TXLNB: variants seen among roughly 807,000 people sequenced by gnomAD.
TXLNB encodes the protein beta-taxilin.
Under a neutral mutation model 57.4 loss-of-function variants are expected in TXLNB, and 37 were observed. The observed-to-expected ratio is 0.64, with a 90% CI of 0.50 to 0.85. The LOEUF (loss-of-function observed/expected upper bound fraction) is 0.85, where lower values mean the gene tolerates loss of function less well. TXLNB is among the 40% of genes least tolerant of loss of function. The pLI is 0.00. For missense variants in TXLNB, 848 were observed against 825.6 expected (o/e 1.03, Z -0.33); for synonymous variants, 302 against 309.6 (o/e 0.98, Z 0.26).
chr6:139,257,117 GT>G (rs1163591417), intron 6 of TXLNB, among the ~76,000 whole-genome samples: 2 of 152,052 alleles, frequency 1.3e-5, no homozygotes, highest in African/African-American at 2.4e-5. Context: ...AGTTCAGAGG[GT>G]TTTTTGTTTG....
the TXLNB span, among the ~76,000 whole-genome samples, chr6:139,211,153 T>C: frequency 6.6e-6 from 1 of 152,182 alleles, no homozygotes; most frequent in African/African-American, 2.4e-5. Context: ...AGCATGCAGC[T>C]TGAGATCTGA....
chr6:139,322,122 C>CCTGCGACTACAGG, the TXLNB span, among the ~76,000 whole-genome samples: 1 of 152,152 alleles, frequency 6.6e-6, no homozygotes, highest in Non-Finnish European at 1.5e-5. Flanking sequence ...TACAGGTGCA[C>CCTGCGACTACAGG]CACCATGCCT....
At chr6:139,316,802 T>C in the TXLNB span, among the ~76,000 whole-genome samples, 1 of 152,188 alleles carries the variant, frequency 6.6e-6, no homozygotes, top group African/African-American at 2.4e-5. Context: ...ACATTCTTTG[T>C]GGGTTGTCCT....
the TXLNB span, among the ~76,000 whole-genome samples, chr6:139,192,885 C>T: frequency 6.6e-6 from 1 of 152,034 alleles, no homozygotes; most frequent in South Asian, 2.1e-4. Context: ...ATCACTTGAA[C>T]CTGTTAGGCG....
At chr6:139,204,475 C>T in the TXLNB span, among the ~76,000 whole-genome samples, 1 of 152,142 alleles carries the variant, frequency 6.6e-6, no homozygotes, top group South Asian at 2.1e-4. Context: ...CTCATAGAGG[C>T]CTTTGGGGAA....
chr6:139,179,384 T>G, the TXLNB span: 1 of 152,216 alleles, frequency 6.6e-6, no homozygotes, highest in Non-Finnish European at 1.5e-5. Context: ...AGCTCCTGAA[T>G]TTAGAACTGC....
the TXLNB span, chr6:139,201,669 T>A: frequency 3.3e-5 from 5 of 152,388 alleles, no homozygotes; most frequent in African/African-American, 1.2e-4. Flanking sequence ...TGCTAGTACA[T>A]TTTACCTATT....
the TXLNB span, among the ~76,000 whole-genome samples, chr6:139,305,083 G>T: frequency 6.6e-6 from 1 of 152,116 alleles, no homozygotes; most frequent in South Asian, 2.1e-4. Context: ...TCATAATCAT[G>T]AATTCAACGT....
At chr6:139,209,283 C>T in the TXLNB span, among the ~76,000 whole-genome samples, 20 of 152,120 alleles carry the variant, frequency 1.3e-4, no homozygotes, top group South Asian at 1.9e-3. Flanking sequence ...CAAAACACTG[C>T]GGAAAGAAAT....
the TXLNB span, among the ~76,000 whole-genome samples, chr6:139,211,077 C>G: frequency 3.3e-5 from 5 of 152,254 alleles, no homozygotes. Flanking sequence ...AAACAAGAGA[C>G]AGCAATAACC....
chr6:139,248,272 C>CA (rs59145478), intron 7 of TXLNB, among the ~76,000 whole-genome samples: 1,580 of 81,342 alleles, frequency 0.019, 19 homozygotes, highest in African/African-American at 0.049. Context: ...GACTCCGTCT[C>CA]AAAAAAAAAA....
chr6:139,316,207 G>A, the TXLNB span, among the ~76,000 whole-genome samples: 1 of 152,176 alleles, frequency 6.6e-6, no homozygotes, highest in East Asian at 1.9e-4. Context: ...GCTTTAGTCA[G>A]GGTCCTGAAC....
At chr6:139,253,763 C>T (rs1057232752) in intron 7 of TXLNB, among the ~76,000 whole-genome samples, 1 of 152,082 alleles carries the variant, frequency 6.6e-6, no homozygotes, top group South Asian at 2.1e-4. Flanking sequence ...CACTCTGTAG[C>T]CCACAGTTTA....
intron 4 of TXLNB, among the ~76,000 whole-genome samples, chr6:139,266,958 C>A (rs1356032561): frequency 6.4e-5 from 7 of 108,716 alleles, no homozygotes; most frequent in African/African-American, 5.2e-5. Flanking sequence ...TTATTTAAGG[C>A]TAAAAGGAAA....
chr6:139,227,918 A>C, the TXLNB span, among the ~76,000 whole-genome samples: 8 of 152,300 alleles, frequency 5.3e-5, no homozygotes, highest in East Asian at 1.9e-4. Flanking sequence ...GGGAGGGGTA[A>C]CCTGTAGGAT....
At chr6:139,204,471 G>C in the TXLNB span, among the ~76,000 whole-genome samples, 1 of 152,272 alleles carries the variant, frequency 6.6e-6, no homozygotes, top group African/African-American at 2.4e-5. Flanking sequence ...ATATCTCATA[G>C]AGGCCTTTGG....
At chr6:139,313,788 C>A in the TXLNB span, among the ~76,000 whole-genome samples, 1 of 151,738 alleles carries the variant, frequency 6.6e-6, no homozygotes, top group Non-Finnish European at 1.5e-5. Flanking sequence ...GTGATGTAAA[C>A]CAAAAATAAA....
the TXLNB span, chr6:139,167,040 TC>T: frequency 6.2e-7 from 1 of 1,614,070 alleles, no homozygotes; most frequent in African/African-American, 1.3e-5. Context: ...CCCGTGCAGT[TC>T]CTTCGGCGGC....
chr6:139,162,656 C>T, the TXLNB span, among the ~76,000 whole-genome samples: 7 of 152,280 alleles, frequency 4.6e-5, no homozygotes, highest in African/African-American at 1.7e-4. Context: ...GCCCTGGAAT[C>T]CCACACCTGA....
Sources: allele counts gnomAD v4.1 joint callset (sites outside exome capture counted in the v4.1 genomes callset), GRCh38; gene constraint gnomAD v4.1.1; transcripts MANE v1.5; gene names NCBI Gene and HGNC (gene_info 2026-07-23, HGNC 2026-07-21).